Variants in PIK3CB observed in about 807,000 individuals in gnomAD.
PIK3CB encodes the protein phosphatidylinositol-4,5-bisphosphate 3-kinase catalytic subunit beta, also known as phosphatidylinositol 4,5-bisphosphate 3-kinase catalytic subunit beta isoform.
A neutral mutation model predicts 136.8 loss-of-function variants in PIK3CB; 39 were observed. The observed-to-expected ratio is 0.29, with a 90% CI of 0.22 to 0.37. PIK3CB has a LOEUF of 0.37. PIK3CB is among the 10% of genes least tolerant of loss of function. PIK3CB has a pLI of 1.00. For missense variants in PIK3CB, 868 were observed against 1,275.4 expected (o/e 0.68, Z 4.87); for synonymous variants, 428 against 436.6 (o/e 0.98, Z 0.25).
chr3:138,805,385 TA>T (rs2046221631), intron 1 of PIK3CB, among the ~76,000 whole-genome samples: 1 of 148,798 alleles, frequency 6.7e-6, no homozygotes, highest in Non-Finnish European at 1.5e-5. Context: ...AAAACAGAAT[TA>T]GGGGTCGGGC....
intron 2 of PIK3CB, among the ~76,000 whole-genome samples, chr3:138,794,799 C>G (rs1038300887): frequency 6.6e-6 from 1 of 152,134 alleles, no homozygotes; most frequent in Non-Finnish European, 1.5e-5. Flanking sequence ...CTTGCAGACA[C>G]CAAAATCCAG....
At chr3:138,686,504 A>C (rs1254723082) in intron 16 of PIK3CB, among the ~76,000 whole-genome samples, 2 of 152,158 alleles carry the variant, frequency 1.3e-5, no homozygotes, top group Non-Finnish European at 2.9e-5. Flanking sequence ...TTAATAACTG[A>C]GGGTCTTTTA....
chr3:138,740,352 C>T (rs540253708), intron 5 of PIK3CB, among the ~76,000 whole-genome samples: 5 of 152,256 alleles, frequency 3.3e-5, no homozygotes, highest in African/African-American at 9.6e-5. Flanking sequence ...AGTGAAACTC[C>T]GTCTCAAAAC....
At chr3:138,717,358 T>C (rs1481230475) in intron 8 of PIK3CB, among the ~76,000 whole-genome samples, 9 of 152,154 alleles carry the variant, frequency 5.9e-5, no homozygotes, top group Admixed American at 1.3e-4. Context: ...CAATGATCTT[T>C]GATTTTATTT....
intron 12 of PIK3CB, among the ~76,000 whole-genome samples, chr3:138,700,312 T>TA (rs2044223848): frequency 6.6e-6 from 1 of 152,004 alleles, no homozygotes; most frequent in Admixed American, 6.6e-5. Context: ...AAACTGAATA[T>TA]AAAAAATGAA....
intron 2 of PIK3CB, among the ~76,000 whole-genome samples, chr3:138,788,648 CTT>C (rs1199329013): frequency 1.5e-5 from 1 of 66,656 alleles, no homozygotes; most frequent in Admixed American, 2.5e-4. Context: ...CAGAGCAAGA[CTT>C]TGTCTCAAAA....
intron 19 of PIK3CB, among the ~76,000 whole-genome samples, chr3:138,675,886 A>G (rs1425738295): frequency 2.0e-5 from 3 of 152,198 alleles, no homozygotes; most frequent in Non-Finnish European, 4.4e-5. Context: ...ATGTACAATC[A>G]ATTGATTTTT....
intron 1 of PIK3CB, among the ~76,000 whole-genome samples, chr3:138,820,836 T>C (rs1933528897): frequency 6.6e-6 from 1 of 152,204 alleles, no homozygotes; most frequent in South Asian, 2.1e-4. Flanking sequence ...CATTCAATCA[T>C]AGGAACGTCC....
At chr3:138,670,912 G>T (rs987346863) in intron 19 of PIK3CB, among the ~76,000 whole-genome samples, 2 of 151,920 alleles carry the variant, frequency 1.3e-5, no homozygotes, top group East Asian at 3.9e-4. Context: ...TACACTACTG[G>T]AAAGTGTAAC....
At chr3:138,718,105 C>T (rs1027352393) in intron 8 of PIK3CB, among the ~76,000 whole-genome samples, 1 of 152,126 alleles carries the variant, frequency 6.6e-6, no homozygotes, top group African/African-American at 2.4e-5. Flanking sequence ...TTTAAGGAAT[C>T]GCCATACTGC....
intron 14 of PIK3CB, among the ~76,000 whole-genome samples, chr3:138,693,965 ATTATATATATATATATATATATATATATT>A (rs1366953595): frequency 7.3e-5 from 2 of 27,412 alleles, no homozygotes; most frequent in African/African-American, 4.8e-4. Flanking sequence ...ATATATATAT[ATTATATATATATATATATATATATATATT>A]TTAAACCCAT....
intron 13 of PIK3CB, among the ~76,000 whole-genome samples, chr3:138,695,236 T>C (rs2044110377): frequency 6.6e-6 from 1 of 152,212 alleles, no homozygotes. Flanking sequence ...TTTCTCTCAT[T>C]GGATTTTCCT....
chr3:138,709,564 T>C (rs1298305069), intron 10 of PIK3CB, among the ~76,000 whole-genome samples: 1 of 152,322 alleles, frequency 6.6e-6, no homozygotes. Context: ...CTAGGGACTC[T>C]GGATGGTAGA....
intron 21 of PIK3CB, among the ~76,000 whole-genome samples, chr3:138,659,732 C>T (rs2043255901): frequency 6.6e-6 from 1 of 152,004 alleles, no homozygotes; most frequent in Non-Finnish European, 1.5e-5. Context: ...TTTCATAGTG[C>T]AGGTACTTAG....
intron 12 of PIK3CB, among the ~76,000 whole-genome samples, chr3:138,701,213 TA>T (rs563918379): frequency 0.012 from 1,600 of 135,672 alleles, 31 homozygotes; most frequent in African/African-American, 0.035. Flanking sequence ...CATTAAAGAT[TA>T]AAAAAAAAAA....
intron 2 of PIK3CB, among the ~76,000 whole-genome samples, chr3:138,772,783 CTTTT>C (rs776881626): frequency 8.9e-6 from 1 of 112,202 alleles, no homozygotes. Flanking sequence ...TATTTATTCT[CTTTT>C]TTTTTTTTTT....
chr3:138,817,241 G>A (rs1933377685), intron 1 of PIK3CB, among the ~76,000 whole-genome samples: 2 of 152,244 alleles, frequency 1.3e-5, no homozygotes, highest in Admixed American at 6.5e-5. Context: ...AGGAGGCTGA[G>A]GCAGGAGAAT....
At chr3:138,712,159 C>T in intron 10 of PIK3CB, 49 bp downstream of exon 10, 1 of 880,132 alleles carries the variant, frequency 1.1e-6, no homozygotes, top group East Asian at 2.7e-5. Context: ...AGTCCACATG[C>T]CAAAAGTTAG....
At chr3:138,814,925 C>T (rs974443043) in intron 1 of PIK3CB, among the ~76,000 whole-genome samples, 8 of 151,882 alleles carry the variant, frequency 5.3e-5, no homozygotes, top group Non-Finnish European at 1.0e-4. Context: ...ATCATGAGGT[C>T]AAGAGATCGA....
Sources: allele counts gnomAD v4.1 joint callset (sites outside exome capture counted in the v4.1 genomes callset), GRCh38; gene constraint gnomAD v4.1.1; transcripts MANE v1.5; gene names NCBI Gene and HGNC (gene_info 2026-07-23, HGNC 2026-07-21).